Variants in EPSTI1 observed in about 807,000 individuals in gnomAD.
EPSTI1 encodes the protein epithelial stromal interaction 1.
EPSTI1 carries 66 observed loss-of-function variants against 49.9 expected under a neutral mutation model. The observed-to-expected ratio is 1.32, with a 90% CI of 1.08 to 1.62. The LOEUF (loss-of-function observed/expected upper bound fraction) is 1.62, where lower values mean the gene tolerates loss of function less well. Ranked by LOEUF, EPSTI1 falls within the 40% of genes most tolerant of loss-of-function variation. The pLI, the probability that EPSTI1 is intolerant of heterozygous loss-of-function variation, is 0.00. For synonymous variants in EPSTI1, 137 were observed against 130.7 expected, an observed-to-expected ratio of 1.05 and a Z score of -0.33; for missense variants, 394 against 365.5, an observed-to-expected ratio of 1.08 and a Z score of -0.64.
At chr13:42,894,973 A>G in intron 10 of EPSTI1, 36 bp downstream of exon 10, 2 of 1,519,702 alleles carry the variant, frequency 1.3e-6, no homozygotes, top group South Asian at 2.4e-5. Flanking sequence ...ATTCTTCAAC[A>G]TTGAAAGATG....
intron 3 of EPSTI1, among the ~76,000 whole-genome samples, chr13:42,968,876 G>A (rs1438649910): frequency 6.9e-6 from 1 of 143,902 alleles, no homozygotes; most frequent in African/African-American, 2.6e-5. Flanking sequence ...TAGAACTCTG[G>A]CATTACAGGT....
intron 8 of EPSTI1, among the ~76,000 whole-genome samples, chr13:42,908,827 A>T (rs2037577395): frequency 6.6e-6 from 1 of 152,076 alleles, no homozygotes; most frequent in African/African-American, 2.4e-5. Flanking sequence ...TCATGCCTAT[A>T]ATCCCAGCAC....
At chr13:42,953,395 A>C (rs2039161741) in intron 6 of EPSTI1, among the ~76,000 whole-genome samples, 1 of 152,236 alleles carries the variant, frequency 6.6e-6, no homozygotes, top group African/African-American at 2.4e-5. Flanking sequence ...AAGCCTACAT[A>C]ACAAAGTAGA....
intron 9 of EPSTI1, among the ~76,000 whole-genome samples, chr13:42,897,967 G>C (rs1594609368): frequency 6.6e-6 from 1 of 152,220 alleles, no homozygotes; most frequent in East Asian, 1.9e-4. Context: ...GTTCAAGTTT[G>C]AATAAATCAA....
chr13:42,987,885 A>G (rs1694818467), intron 1 of EPSTI1, among the ~76,000 whole-genome samples: 1 of 152,142 alleles, frequency 6.6e-6, no homozygotes. Context: ...GTGCATTTAC[A>G]TACTAGCTAC....
chr13:42,969,258 CT>C, intron 2 of EPSTI1, 81 bp from the exon 3 acceptor site: 1 of 1,356,520 alleles, frequency 7.4e-7, no homozygotes, highest in Non-Finnish European at 1.0e-6. Context: ...TAAGAAACAA[CT>C]ATTAGAAGGC....
chr13:42,964,779 C>T (rs1257007502), intron 3 of EPSTI1, among the ~76,000 whole-genome samples: 1 of 152,162 alleles, frequency 6.6e-6, no homozygotes, highest in African/African-American at 2.4e-5. Context: ...CTCTCTTAAA[C>T]CTAAAAGAAT....
At chr13:42,961,311 A>G (rs1284499882) in intron 5 of EPSTI1, among the ~76,000 whole-genome samples, 1 of 152,236 alleles carries the variant, frequency 6.6e-6, no homozygotes, top group African/African-American at 2.4e-5. Flanking sequence ...TTTCCACCAC[A>G]GTCGGTTTCA....
At chr13:42,913,711 C>A (rs955049236) in intron 8 of EPSTI1, among the ~76,000 whole-genome samples, 1 of 152,204 alleles carries the variant, frequency 6.6e-6, no homozygotes, top group Admixed American at 6.5e-5. Flanking sequence ...AGCAGGCAAT[C>A]AAAAATATTT....
At chr13:42,897,658 G>A (rs1282397651) in intron 9 of EPSTI1, among the ~76,000 whole-genome samples, 5 of 152,194 alleles carry the variant, frequency 3.3e-5, no homozygotes, top group Non-Finnish European at 7.3e-5. Flanking sequence ...ATAAGGTAAT[G>A]TGATTCACTT....
Position 42,958,612 on chromosome 13 carries a change from G to A in EPSTI1, c.490-4591C>T, listed in dbSNP as rs143889205. Among the ~76,000 whole-genome samples the A allele has an allele frequency of 6.9e-4, 105 of 152,232 alleles. 1 individual carries two copies. In the East Asian group the frequency reaches 0.018, roughly 26 times the overall value. Reference sequence around the variant, plus strand: ...TTCTGATTCCTCCTGAGATAGGATGGGGGTAGGTGCAGCAAAGGGAGAGTA... The same window carrying A: ...TTCTGATTCCTCCTGAGATAGGATGAGGGTAGGTGCAGCAAAGGGAGAGTA... On this transcript the variant is annotated intron_variant, in intron 5 of 10. Coordinates refer to ENST00000313624, the MANE Select transcript of EPSTI1 (RefSeq NM_033255.5).
chr13:42,970,792 G>T, intron 1 of EPSTI1, 122 bp from the exon 2 acceptor site: 1 of 723,834 alleles, frequency 1.4e-6, no homozygotes. Flanking sequence ...TAGGCACTAT[G>T]AAAGATAATC....
chr13:42,926,208 C>T (rs544554270), intron 7 of EPSTI1, 128 bp downstream of exon 7: 11 of 682,262 alleles, frequency 1.6e-5, no homozygotes, highest in South Asian at 3.4e-5. Flanking sequence ...GTCAAAGTTT[C>T]GGATCAGGTC....
chr13:42,984,702 T>G lies in EPSTI1; in HGVS notation c.188+7276A>C, dbSNP rs149853254. On this transcript the variant is annotated intron_variant, in intron 1 of 10. Coordinates refer to ENST00000313624, the MANE Select transcript of EPSTI1 (RefSeq NM_033255.5). ...AAAATCAGGATTGGCCATGATGAAC[T>G]GCTCTTATCAAACCATCATTTATTC... 6.5e-3 allele frequency among the ~76,000 whole-genome samples: 983 copies of G among 152,344 alleles called. 3 individuals are homozygous for G. The highest frequency in any genetic ancestry group is 0.011 in the Non-Finnish European group (763 of 68,026).
chr13:42,985,693 T>G (rs2040065655), intron 1 of EPSTI1, among the ~76,000 whole-genome samples: 1 of 152,174 alleles, frequency 6.6e-6, no homozygotes, highest in Admixed American at 6.5e-5. Flanking sequence ...AGGCTAGCAC[T>G]AAAACCATCC....
intron 1 of EPSTI1, among the ~76,000 whole-genome samples, chr13:42,989,567 C>CTTTTT: frequency 1.1e-4 from 9 of 79,022 alleles, no homozygotes; most frequent in African/African-American, 2.2e-4. Context: ...CCTCTTTTTT[C>CTTTTT]TTTTTTTTTT....
chr13:42,905,476 C>G (rs2037473703), intron 8 of EPSTI1, among the ~76,000 whole-genome samples: 1 of 152,164 alleles, frequency 6.6e-6, no homozygotes. Flanking sequence ...GCCTTATAAG[C>G]ATATTCTTGG....
intron 10 of EPSTI1, among the ~76,000 whole-genome samples, chr13:42,889,014 G>A (rs1261366885): frequency 6.6e-6 from 1 of 152,266 alleles, no homozygotes; most frequent in East Asian, 1.9e-4. Flanking sequence ...GCTGGGCCAC[G>A]CTACGTATGG....
Position 42,948,031 on chromosome 13 carries a change from G to T in EPSTI1, c.563+5917C>A, listed in dbSNP as rs191307661. 3.3e-5 allele frequency among the ~76,000 whole-genome samples: 5 copies of T among 152,366 alleles called. No homozygotes were observed. The East Asian group carries it at 7.7e-4, about 24-fold the overall frequency. On this transcript the variant is annotated intron_variant, in intron 6 of 10. Transcript: ENST00000313624. ...GGTGGCGGAGTTGGGTCCGTCTGCA[G>T]ACCCACCTTCCAGGCCTCACCCCAC...
Sources: allele counts gnomAD v4.1 joint callset (sites outside exome capture counted in the v4.1 genomes callset), GRCh38; gene constraint gnomAD v4.1.1; transcripts MANE v1.5; gene names NCBI Gene and HGNC (gene_info 2026-07-23, HGNC 2026-07-21).